Variants in CCSER1 observed in about 807,000 individuals in gnomAD.
CCSER1 encodes the protein coiled-coil serine rich protein 1.
A neutral mutation model predicts 82.0 loss-of-function variants in CCSER1; 41 were observed. The observed-to-expected ratio is 0.50, with a 90% CI of 0.39 to 0.65. The LOEUF (loss-of-function observed/expected upper bound fraction) is 0.65, where lower values mean the gene tolerates loss of function less well. CCSER1 is among the 30% of genes least tolerant of loss of function. CCSER1 has a pLI of 0.00. For synonymous variants in CCSER1, 414 were observed against 383.9 expected (o/e 1.08, Z -0.92); for missense variants, 1,119 against 1,064.2 (o/e 1.05, Z -0.72).
chr4:91,142,860 C>T (rs1425487412), intron 10 of CCSER1, among the ~76,000 whole-genome samples: 1 of 151,988 alleles, frequency 6.6e-6, no homozygotes, highest in East Asian at 1.9e-4. Flanking sequence ...TTACCAGCAC[C>T]ATGCTATTTT....
intron 5 of CCSER1, among the ~76,000 whole-genome samples, chr4:90,598,307 T>C (rs1403794291): frequency 6.6e-6 from 1 of 152,172 alleles, no homozygotes; most frequent in Non-Finnish European, 1.5e-5. Context: ...TTAGGGTACA[T>C]GTGCACAACG....
intron 5 of CCSER1, among the ~76,000 whole-genome samples, chr4:90,489,853 A>G (rs1767696499): frequency 6.6e-6 from 1 of 152,134 alleles, no homozygotes; most frequent in Non-Finnish European, 1.5e-5. Flanking sequence ...ACATGAACTC[A>G]TCCATTTTTA....
At chr4:90,262,146 T>A (rs1008807313) in intron 1 of CCSER1, among the ~76,000 whole-genome samples, 9 of 152,118 alleles carry the variant, frequency 5.9e-5, no homozygotes, top group African/African-American at 2.2e-4. Context: ...CTTCTGTGAT[T>A]TTTTGGGGAT....
chr4:90,623,522 T>C (rs1177197519), intron 5 of CCSER1, among the ~76,000 whole-genome samples: 1 of 152,228 alleles, frequency 6.6e-6, no homozygotes, highest in Non-Finnish European at 1.5e-5. Flanking sequence ...AACAACCTTG[T>C]TGGCTATGTT....
chr4:90,532,015 A>ATT (rs201265818), intron 5 of CCSER1, among the ~76,000 whole-genome samples: 181 of 152,292 alleles, frequency 1.2e-3, no homozygotes, highest in African/African-American at 3.9e-3. Flanking sequence ...ATATATATAT[A>ATT]TAATGAGAAT....
intron 10 of CCSER1, among the ~76,000 whole-genome samples, chr4:91,160,372 T>G (rs559467854): frequency 1.3e-5 from 2 of 152,338 alleles, no homozygotes; most frequent in South Asian, 4.1e-4. Flanking sequence ...ACATGTGTCT[T>G]TATAGTACCA....
chr4:90,971,434 T>G (rs970790659), intron 9 of CCSER1, among the ~76,000 whole-genome samples: 1 of 151,956 alleles, frequency 6.6e-6, no homozygotes, highest in African/African-American at 2.4e-5. Context: ...ACCAAGCCCC[T>G]CTTCCAACCT....
At chr4:91,572,151 T>C (rs1024466776) in intron 10 of CCSER1, among the ~76,000 whole-genome samples, 9 of 152,162 alleles carry the variant, frequency 5.9e-5, no homozygotes, top group Admixed American at 3.9e-4. Context: ...TGGGTACCCA[T>C]TTAATAATCT....
chr4:90,878,204 C>T (rs1720652210), intron 8 of CCSER1, among the ~76,000 whole-genome samples: 4 of 152,136 alleles, frequency 2.6e-5, no homozygotes, highest in Non-Finnish European at 5.9e-5. Context: ...GTTACCATAA[C>T]ATAGACCATG....
intron 10 of CCSER1, among the ~76,000 whole-genome samples, chr4:91,574,899 A>G (rs1305487174): frequency 6.6e-6 from 1 of 152,080 alleles, no homozygotes; most frequent in Non-Finnish European, 1.5e-5. Flanking sequence ...TAAAAGTTGA[A>G]ATTTATAAAA....
intron 10 of CCSER1, among the ~76,000 whole-genome samples, chr4:91,120,783 T>C (rs2148890707): frequency 6.6e-6 from 1 of 151,898 alleles, no homozygotes; most frequent in South Asian, 2.1e-4. Context: ...TGTTTATAAG[T>C]CCGAGGTGAT....
chr4:90,785,594 G>A (rs1754400919), intron 7 of CCSER1, among the ~76,000 whole-genome samples: 1 of 152,106 alleles, frequency 6.6e-6, no homozygotes, highest in Admixed American at 6.6e-5. Context: ...CTATGTTCGA[G>A]CAAAATAATT....
chr4:90,799,316 C>T (rs2123958), intron 7 of CCSER1, among the ~76,000 whole-genome samples: 2 of 152,042 alleles, frequency 1.3e-5, no homozygotes, highest in Admixed American at 6.6e-5. Flanking sequence ...TGCCAAGGCT[C>T]TGTCTGCTCT....
intron 9 of CCSER1, among the ~76,000 whole-genome samples, chr4:91,072,092 A>C (rs895983747): frequency 5.3e-5 from 8 of 152,308 alleles, no homozygotes; most frequent in Admixed American, 4.6e-4. Context: ...CTACTGTATG[A>C]AACCTCATAA....
chr4:90,317,024 A>G lies in CCSER1; in HGVS notation c.1509+3977A>G, dbSNP rs944117411. ...CTGAATACATTTCTTGCGATTGTCC[A>G]AAAAATTTAAAATGCTGTTCTAGAA... On this transcript the variant is annotated intron_variant, in intron 3 of 10. Transcript: ENST00000509176. 2.6e-5 allele frequency among the ~76,000 whole-genome samples: 4 copies of G among 152,192 alleles called. No individual in the cohort carries two copies. In the East Asian group the frequency reaches 7.7e-4, roughly 29 times the overall value.
chr4:91,099,825 CT>C (rs1724877556), intron 10 of CCSER1, among the ~76,000 whole-genome samples: 1 of 152,092 alleles, frequency 6.6e-6, no homozygotes, highest in Admixed American at 6.6e-5. Context: ...CTTATAGTGG[CT>C]GCTCTTAGAG....
chr4:91,525,327 TTGTC>T (rs769222796), intron 10 of CCSER1, among the ~76,000 whole-genome samples: 82 of 152,266 alleles, frequency 5.4e-4, no homozygotes, highest in Non-Finnish European at 1.2e-3. Context: ...GATTATGTGA[TTGTC>T]TGCAATATGA....
chr4:91,592,261 T>C (rs1199617932), intron 10 of CCSER1, among the ~76,000 whole-genome samples: 1 of 152,128 alleles, frequency 6.6e-6, no homozygotes, highest in African/African-American at 2.4e-5. Context: ...GAGAAACCTC[T>C]TATAAAACTA....
At chr4:90,511,644 A>C (rs1178298935) in intron 5 of CCSER1, among the ~76,000 whole-genome samples, 1 of 152,214 alleles carries the variant, frequency 6.6e-6, no homozygotes, top group Non-Finnish European at 1.5e-5. Flanking sequence ...GGTGATATAG[A>C]GCTCCTGTTT....
Sources: gnomAD v4.1 joint callset for allele counts (sites outside exome capture counted in the v4.1 genomes callset) on GRCh38, gnomAD v4.1.1 for gene constraint, MANE v1.5 for transcripts, NCBI Gene and HGNC (gene_info 2026-07-23, HGNC 2026-07-21) for gene names.